The following SORCS3 variants were observed in gnomAD, a reference collection of about 807,000 sequenced individuals.
SORCS3 encodes sortilin related VPS10 domain containing receptor 3.
In SORCS3, 57 loss-of-function variants were observed where a neutral mutation model predicts 146.3. The observed-to-expected ratio is 0.39, with a 90% confidence interval of 0.31 to 0.49. The LOEUF is 0.49. Ranked by LOEUF, SORCS3 falls within the 20% of genes least tolerant of loss-of-function variation. The pLI, the probability that SORCS3 is intolerant of heterozygous loss-of-function variation, is 0.92. For missense variants in SORCS3, 1,341 were observed against 1,575.5 expected, an observed-to-expected ratio of 0.85 and a Z score of 2.52; for synonymous variants, 653 against 618.5, an observed-to-expected ratio of 1.06 and a Z score of -0.83.
intron 20 of SORCS3, among the ~76,000 whole-genome samples, chr10:105,231,683 T>G (rs532620668): frequency 2.0e-5 from 3 of 152,186 alleles, no homozygotes; most frequent in Non-Finnish European, 4.4e-5. Flanking sequence ...TCTCAGGGAA[T>G]TTCCCCTCTA....
intron 7 of SORCS3, among the ~76,000 whole-genome samples, chr10:105,123,046 C>A (rs1431171911): frequency 6.6e-6 from 1 of 152,186 alleles, no homozygotes; most frequent in Non-Finnish European, 1.5e-5. Context: ...GAAGGGCTTC[C>A]AAATCTTCTG....
chr10:105,236,467 C>A (rs969164788), intron 20 of SORCS3, among the ~76,000 whole-genome samples: 11 of 152,072 alleles, frequency 7.2e-5, no homozygotes, highest in Non-Finnish European at 1.5e-4. Flanking sequence ...GTTCATTTCT[C>A]CTGTGCAGAT....
At chr10:105,259,173 T>G (rs949180812) in intron 25 of SORCS3, among the ~76,000 whole-genome samples, 1 of 152,194 alleles carries the variant, frequency 6.6e-6, no homozygotes, top group African/African-American at 2.4e-5. Context: ...CAGTACTGTT[T>G]AATACAGTAG....
chr10:104,750,031 G>A (rs1302232276), intron 1 of SORCS3, among the ~76,000 whole-genome samples: 1 of 152,124 alleles, frequency 6.6e-6, no homozygotes, highest in Non-Finnish European at 1.5e-5. Flanking sequence ...CATTTTAAAA[G>A]CAATTTGTTT....
intron 4 of SORCS3, among the ~76,000 whole-genome samples, chr10:105,022,098 C>T (rs75127262): frequency 3.9e-3 from 593 of 152,180 alleles, no homozygotes; most frequent in Non-Finnish European, 5.9e-3. Flanking sequence ...TGAAACAATT[C>T]CACATTATAG....
chr10:104,940,238 A>ATATT (rs1435205868), intron 3 of SORCS3, among the ~76,000 whole-genome samples: 11 of 31,520 alleles, frequency 3.5e-4, no homozygotes, highest in East Asian at 4.2e-3. Flanking sequence ...ATATATATAT[A>ATATT]TTTTTTTTTT....
At chr10:104,890,047 C>T (rs189545422) in intron 2 of SORCS3, among the ~76,000 whole-genome samples, 62 of 152,228 alleles carry the variant, frequency 4.1e-4, no homozygotes, top group African/African-American at 1.5e-3. Context: ...CTTCTGTCAT[C>T]CATAGCTTTG....
At chr10:105,190,154 A>C (rs2056507143) in intron 14 of SORCS3, among the ~76,000 whole-genome samples, 1 of 152,234 alleles carries the variant, frequency 6.6e-6, no homozygotes, top group South Asian at 2.1e-4. Flanking sequence ...GGACTTAAAA[A>C]AGAGTAACAG....
chr10:105,200,068 C>T lies in SORCS3; in HGVS notation c.2079C>T (p.Ser693=). The change falls in exon 15 of 27, where the codon AGC becomes AGT. Residue 693 remains serine, a synonymous_variant. Transcript: ENST00000369701. The part of the protein sequence containing the change: ...LVKVDYKSIF[S]RHCTKEDYQT... ...AAGTGGACTACAAATCTATCTTCAG[C>T]CGGCATTGCACCAAGGAGGACTATC... 6.2e-7 allele frequency: 1 copy of T among 1,613,670 alleles called. No individual in the cohort carries two copies. The highest frequency in any genetic ancestry group is 1.1e-5 in the South Asian group (1 of 91,068).
chr10:104,670,846 T>G (rs1423182132), intron 1 of SORCS3, among the ~76,000 whole-genome samples: 1 of 151,406 alleles, frequency 6.6e-6, no homozygotes, highest in Non-Finnish European at 1.5e-5. Flanking sequence ...TTAATTTCTT[T>G]CAGCAGTATT....
intron 1 of SORCS3, among the ~76,000 whole-genome samples, chr10:104,830,209 A>G (rs900685145): frequency 2.0e-5 from 3 of 152,192 alleles, no homozygotes; most frequent in African/African-American, 7.2e-5. Context: ...AGCTTCATCC[A>G]TGTCCCTGCA....
chr10:105,041,915 A>T (rs979052549), intron 4 of SORCS3, among the ~76,000 whole-genome samples: 1 of 152,152 alleles, frequency 6.6e-6, no homozygotes, highest in African/African-American at 2.4e-5. Context: ...TGGAATTCTC[A>T]TGATAAACTT....
At chr10:104,730,521 T>C (rs1360832058) in intron 1 of SORCS3, among the ~76,000 whole-genome samples, 2 of 152,226 alleles carry the variant, frequency 1.3e-5, no homozygotes, top group African/African-American at 4.8e-5. Context: ...GACATCTCTT[T>C]TCATTCCCTG....
chr10:104,731,235 T>C (rs1425858751), intron 1 of SORCS3, among the ~76,000 whole-genome samples: 1 of 152,158 alleles, frequency 6.6e-6, no homozygotes, highest in African/African-American at 2.4e-5. Context: ...CCTCCATTCA[T>C]TCACATATGC....
At chr10:104,947,341 A>G (rs2019382190) in intron 3 of SORCS3, among the ~76,000 whole-genome samples, 1 of 152,124 alleles carries the variant, frequency 6.6e-6, no homozygotes, top group African/African-American at 2.4e-5. Flanking sequence ...GGGTATCAGA[A>G]AGAAGGGCTG....
At chr10:105,072,713 C>T (rs1398801627) in intron 5 of SORCS3, among the ~76,000 whole-genome samples, 1 of 123,044 alleles carries the variant, frequency 8.1e-6, no homozygotes, top group Non-Finnish European at 1.6e-5. Flanking sequence ...ATTAAATAGC[C>T]TTGTGTGTAA....
At chr10:105,237,225 A>G (rs1215626623) in intron 20 of SORCS3, among the ~76,000 whole-genome samples, 1 of 152,184 alleles carries the variant, frequency 6.6e-6, no homozygotes, top group Non-Finnish European at 1.5e-5. Context: ...CCTAGGTTGG[A>G]GTCCAGACCG....
intron 19 of SORCS3, 33 bp downstream of exon 19, chr10:105,217,155 T>C (rs2056670450): frequency 6.2e-7 from 1 of 1,608,632 alleles, no homozygotes; most frequent in African/African-American, 1.3e-5. Context: ...GTTTTCCCTT[T>C]GTTCCCAGTT....
chr10:105,020,665 C>T (rs937900506), intron 4 of SORCS3, among the ~76,000 whole-genome samples: 1 of 152,140 alleles, frequency 6.6e-6, no homozygotes, highest in Non-Finnish European at 1.5e-5. Context: ...TTATCACGGA[C>T]AAATAATAAA....
Sources: gnomAD v4.1 joint callset for allele counts (sites outside exome capture counted in the v4.1 genomes callset) on GRCh38, gnomAD v4.1.1 for gene constraint, MANE v1.5 for transcripts, NCBI Gene and HGNC (gene_info 2026-07-23, HGNC 2026-07-21) for gene names.